Variants in MYO1F observed in about 807,000 individuals in gnomAD.
The protein encoded by MYO1F is unconventional myosin-If.
Under a neutral mutation model 146.6 loss-of-function variants are expected in MYO1F, and 60 were observed. The ratio of observed to expected loss-of-function variants is 0.41; its 90% CI spans 0.33 to 0.51. The LOEUF is 0.51. Ranked by LOEUF, MYO1F falls within the 20% of genes least tolerant of loss-of-function variation. MYO1F has a pLI of 0.25. For synonymous variants in MYO1F, 602 were observed against 602.1 expected, an observed-to-expected ratio of 1.00 and a Z score of 0.00; for missense variants, 1,274 against 1,534.3, an observed-to-expected ratio of 0.83 and a Z score of 2.83.
At chr19:8,524,515 G>C (rs573460744) in intron 25 of MYO1F, among the ~76,000 whole-genome samples, 1 of 151,828 alleles carries the variant, frequency 6.6e-6, no homozygotes, top group South Asian at 2.1e-4. Flanking sequence ...AACCCAGGAG[G>C]TGGATGTTGC....
At chr19:8,574,307 A>G (rs780078924) in intron 1 of MYO1F, among the ~76,000 whole-genome samples, 3 of 152,070 alleles carry the variant, frequency 2.0e-5, no homozygotes, top group Admixed American at 6.6e-5. Context: ...AATTACCACA[A>G]TCGTCACCTC....
intron 1 of MYO1F, among the ~76,000 whole-genome samples, chr19:8,560,571 G>C (rs1974048771): frequency 6.6e-6 from 1 of 151,262 alleles, no homozygotes; most frequent in Non-Finnish European, 1.5e-5. Context: ...GGATTTTTTT[G>C]TTTTGTTTTG....
Position 8,536,561 on chromosome 19 carries a change from C to T in MYO1F, c.1836G>A (p.Glu612=). ...KHQVEYLGLK[E]NIRVRRAGFA... is the part of the protein sequence containing the mutation. ...AGCCGGCTCTGCGCACCCTGATGTT[C>T]TCCTTCAGGCCCAGGTATTCCACCT... The change falls in exon 18 of 28, where the codon GAG becomes GAA. Residue 612 remains glutamate (E), a synonymous_variant. Transcript: ENST00000644032. 3 of 1,610,182 alleles carry T rather than the reference C, an allele frequency of 1.9e-6. No individual in the cohort carries two copies. The highest frequency in any genetic ancestry group is 1.1e-5 in the South Asian group (1 of 90,866).
At chr19:8,570,216 G>T (rs1176478453) in intron 1 of MYO1F, among the ~76,000 whole-genome samples, 1 of 151,956 alleles carries the variant, frequency 6.6e-6, no homozygotes, top group Non-Finnish European at 1.5e-5. Context: ...GGGATTACAG[G>T]CGTGCACAAC....
rs1206822285 is a variant in MYO1F, at chr19:8,522,481, G to A, written c.3116C>T (p.Pro1039Leu). 6.2e-7 allele frequency: 1 copy of A among 1,613,860 alleles called. No homozygotes were observed. The highest frequency in any genetic ancestry group is 1.3e-5 in the African/African-American group (1 of 74,938). ...CCGGCACCTGGGACCATGTGTCCGA[G>A]GCTGGGGCTTGGGTCGGCCCACACC... ...VPGVGRPKPQ[P>L]RTHGPRCRAL... The change falls in exon 27 of 28, where the codon CCT (proline) becomes CTT (leucine). Residue 1039 changes from proline (P) to leucine (L), a missense_variant. Transcript: ENST00000644032.
chr19:8,543,960 G>GTGGTGC (rs1568349893), intron 14 of MYO1F: 1 of 348,896 alleles, frequency 2.9e-6, no homozygotes, highest in Admixed American at 4.4e-5. Context: ...GGTGGTGGTG[G>GTGGTGC]TGGTGGTGGT....
At chr19:8,535,713 T>C (rs995014453) in intron 19 of MYO1F, among the ~76,000 whole-genome samples, 6 of 151,516 alleles carry the variant, frequency 4.0e-5, no homozygotes, top group Non-Finnish European at 8.8e-5. Context: ...GGAGTCTCGC[T>C]CTGTCGCCCA....
intron 19 of MYO1F, among the ~76,000 whole-genome samples, chr19:8,533,815 T>C (rs1006280251): frequency 1.1e-4 from 16 of 152,294 alleles, no homozygotes; most frequent in Admixed American, 6.5e-4. Flanking sequence ...TATTATAACA[T>C]ACCTGGGATG....
In MYO1F at chr19:8,537,038, C is replaced by T. The variant is rs375995051; in HGVS notation, c.1710G>A (p.Leu570=). The T allele has an allele frequency of 1.8e-3, 2,857 of 1,610,684 alleles. 57 individuals are homozygous for T. In the South Asian group the frequency reaches 0.03, roughly 17 times the overall value. ...GTGTGCACCTCATCAGTGTGGCCAC[C>T]AGGTCGTTGGCTTGTTTCTGAGGCA... ...GSKIKKQAND[L]VATLMRCTPH... is the part of the protein sequence containing the mutation. The change falls in exon 17 of 28, where the codon CTG becomes CTA. Residue 570 remains leucine (L), a synonymous_variant. Transcript: ENST00000644032.
intron 12 of MYO1F, among the ~76,000 whole-genome samples, chr19:8,547,659 T>A (rs1973427694): frequency 6.6e-6 from 1 of 151,656 alleles, no homozygotes; most frequent in Non-Finnish European, 1.5e-5. Context: ...TGGAGCTTCC[T>A]GGGATTGCCT....
At chr19:8,573,982 A>T (rs1441566900) in intron 1 of MYO1F, among the ~76,000 whole-genome samples, 1 of 152,184 alleles carries the variant, frequency 6.6e-6, no homozygotes, top group Admixed American at 6.6e-5. Flanking sequence ...CAGCACCACC[A>T]TTGCTGATCA....
At chr19:8,565,514 C>T (rs1409740204) in intron 1 of MYO1F, among the ~76,000 whole-genome samples, 1 of 151,812 alleles carries the variant, frequency 6.6e-6, no homozygotes, top group Admixed American at 6.6e-5. Flanking sequence ...TGCAAGCTAG[C>T]CTGGGCAACA....
intron 12 of MYO1F, 45 bp downstream of exon 12, chr19:8,547,991 A>ACC: frequency 2.3e-6 from 1 of 435,414 alleles, no homozygotes. Context: ...CTTCCACCCC[A>ACC]CCCCCACCCC....
At chr19:8,526,403 A>G in intron 24 of MYO1F, 50 bp downstream of exon 24, 1 of 1,544,178 alleles carries the variant, frequency 6.5e-7, no homozygotes, top group Non-Finnish European at 8.7e-7. Context: ...TCCACTCTTA[A>G]CCAGCCTCGC....
chr19:8,561,005 G>T (rs765851605), intron 1 of MYO1F, among the ~76,000 whole-genome samples: 6 of 151,082 alleles, frequency 4.0e-5, no homozygotes, highest in Non-Finnish European at 8.9e-5. Flanking sequence ...CCAAAGTGCT[G>T]GGATTATAGG....
intron 1 of MYO1F, among the ~76,000 whole-genome samples, chr19:8,560,079 AG>A (rs1974021244): frequency 6.6e-6 from 1 of 152,080 alleles, no homozygotes; most frequent in Admixed American, 6.6e-5. Flanking sequence ...GTAGGCTCGA[AG>A]GGAAACGGAG....
intron 1 of MYO1F, among the ~76,000 whole-genome samples, chr19:8,557,503 A>C (rs1398877299): frequency 1.3e-5 from 2 of 151,942 alleles, no homozygotes; most frequent in African/African-American, 4.8e-5. Context: ...GGGTCTTGCT[A>C]TGTTGCCCTG....
intron 22 of MYO1F, 138 bp downstream of exon 22, chr19:8,527,200 C>A: frequency 8.1e-7 from 1 of 1,238,212 alleles, no homozygotes; most frequent in Non-Finnish European, 1.1e-6. Flanking sequence ...GGCAGGTGAA[C>A]ATGACAGGTG....
At chr19:8,569,324 G>C (rs2042066805) in intron 1 of MYO1F, among the ~76,000 whole-genome samples, 1 of 152,126 alleles carries the variant, frequency 6.6e-6, no homozygotes, top group South Asian at 2.1e-4. Context: ...GTGAAAGGCA[G>C]TCAGGGGCTT....
Sources: gnomAD v4.1 joint callset for allele counts (sites outside exome capture counted in the v4.1 genomes callset) on GRCh38, gnomAD v4.1.1 for gene constraint, MANE v1.5 for transcripts, NCBI Gene and HGNC (gene_info 2026-07-23, HGNC 2026-07-21) for gene names.